RAVER2: variants seen among roughly 807,000 people sequenced by gnomAD.
RAVER2 encodes ribonucleoprotein, PTB binding 2, also known as ribonucleoprotein PTB-binding 2.
A neutral mutation model predicts 78.1 loss-of-function variants in RAVER2; 46 were observed. The observed-to-expected ratio is 0.59, with a 90% CI of 0.46 to 0.75. RAVER2 has a LOEUF of 0.75. RAVER2 is among the 30% of genes least tolerant of loss of function. The pLI is 0.00. For missense variants in RAVER2, 793 were observed against 837.5 expected (o/e 0.95, Z 0.66); for synonymous variants, 311 against 313.3 (o/e 0.99, Z 0.08).
exon 12 of RAVER2, chr1:64,832,706 G>A (rs777222941): frequency 1.8e-4 from 28 of 152,116 alleles, no homozygotes; most frequent in Non-Finnish European, 3.2e-4. Context: ...ATGACTGACA[G>A]CTAGAAAGTT....
intron 5 of RAVER2, among the ~76,000 whole-genome samples, chr1:64,797,200 G>A (rs559652613): frequency 3.3e-5 from 5 of 152,270 alleles, no homozygotes; most frequent in Admixed American, 3.3e-4. Context: ...GATGTGGAGT[G>A]TTCTATACAC....
At chr1:64,780,743 T>A (rs768417239) in intron 3 of RAVER2, among the ~76,000 whole-genome samples, 2 of 152,176 alleles carry the variant, frequency 1.3e-5, no homozygotes, top group Admixed American at 6.5e-5. Flanking sequence ...TATCTTCCAT[T>A]ACACTCTTAC....
At chr1:64,809,923 A>C (rs533617328) in intron 9 of RAVER2, among the ~76,000 whole-genome samples, 1 of 151,960 alleles carries the variant, frequency 6.6e-6, no homozygotes, top group East Asian at 1.9e-4. Flanking sequence ...CATGTATCCA[A>C]ATTTCCTTCT....
chr1:64,790,564 G>A (rs1390142511), intron 5 of RAVER2, among the ~76,000 whole-genome samples: 1 of 152,046 alleles, frequency 6.6e-6, no homozygotes, highest in Non-Finnish European at 1.5e-5. Context: ...AACTTAATAG[G>A]GAAAAACAAA....
At chr1:64,797,265 T>A (rs1047210332) in intron 5 of RAVER2, among the ~76,000 whole-genome samples, 3 of 152,164 alleles carry the variant, frequency 2.0e-5, no homozygotes, top group Non-Finnish European at 4.4e-5. Context: ...CCTTACTGAT[T>A]TTTCATCAAC....
At chr1:64,771,109 G>A (rs368890206) in intron 2 of RAVER2, among the ~76,000 whole-genome samples, 12 of 151,998 alleles carry the variant, frequency 7.9e-5, no homozygotes, top group South Asian at 2.1e-4. Flanking sequence ...TACAGTGTAC[G>A]TTGTAATCAA....
chr1:64,783,517 G>A (rs957288861), intron 4 of RAVER2, among the ~76,000 whole-genome samples: 25 of 152,178 alleles, frequency 1.6e-4, no homozygotes, highest in African/African-American at 4.8e-4. Context: ...TCTGTTGACT[G>A]CATAAATGTC....
chr1:64,749,040 A>C (rs918132616), intron 1 of RAVER2, among the ~76,000 whole-genome samples: 1 of 150,948 alleles, frequency 6.6e-6, no homozygotes, highest in Non-Finnish European at 1.5e-5. Context: ...TCGTATCTCT[A>C]TGTTGCCTAG....
At chr1:64,831,183 A>G in exon 12 of RAVER2, 1 of 439,126 alleles carries the variant, frequency 2.3e-6, no homozygotes, top group East Asian at 3.6e-5. Flanking sequence ...GACATTTTCC[A>G]CTAGAGTCAG....
chr1:64,783,816 A>T (rs551138134), intron 4 of RAVER2, among the ~76,000 whole-genome samples: 4 of 152,340 alleles, frequency 2.6e-5, no homozygotes, highest in African/African-American at 7.2e-5. Context: ...CAACAAAAGC[A>T]AAATAGACAA....
In RAVER2 at chr1:64,762,668, T is replaced by G. The variant is rs1359100537; in HGVS notation, c.250-5988T>G. 3.9e-5 allele frequency among the ~76,000 whole-genome samples: 6 copies of G among 152,154 alleles called. No homozygotes were observed. The East Asian group carries it at 1.2e-3, about 29-fold the overall frequency. ...TTTCAACAGATGATGCTAGGGCAGT[T>G]TGATATTCAAATCAAAAAAATTGAA... On this transcript the variant is annotated intron_variant, in intron 1 of 11. Coordinates refer to ENST00000294428, the Ensembl canonical transcript of RAVER2.
exon 12 of RAVER2, chr1:64,831,654 GATCTA>G (rs1267801406): frequency 6.6e-6 from 1 of 152,140 alleles, no homozygotes; most frequent in Non-Finnish European, 1.5e-5. Context: ...TAACTTTGGT[GATCTA>G]ATAAAAGGGT....
At position 64,830,868 on chromosome 1, in the gene RAVER2, C is replaced by T. The variant is rs879588726; in HGVS notation, c.1959C>T (p.Gly653=). Reference sequence around the variant, plus strand: ...CATCTTTAAGAAATGAAAAGCGAGGCTCATCATATCTCATCTCTGCCCCAG... The same window carrying T: ...CATCTTTAAGAAATGAAAAGCGAGGTTCATCATATCTCATCTCTGCCCCAG... The change falls in exon 12 of 12, where the codon GGC becomes GGT. Residue 653 remains glycine, a synonymous_variant. Coordinates refer to ENST00000294428, the Ensembl canonical transcript of RAVER2. 3.3e-5 allele frequency: 53 copies of T among 1,609,912 alleles called. No individual in the cohort carries two copies. In the Admixed American group the frequency reaches 8.6e-4, roughly 26 times the overall value.
At chr1:64,833,224 G>C (rs1005238998) in exon 12 of RAVER2, 15 of 214,308 alleles carry the variant, frequency 7.0e-5, no homozygotes, top group Admixed American at 5.3e-4. Flanking sequence ...AAAGGCATAT[G>C]CATGTAAAGT....
intron 1 of RAVER2, among the ~76,000 whole-genome samples, chr1:64,756,276 A>C (rs1651854795): frequency 6.6e-6 from 1 of 152,058 alleles, no homozygotes; most frequent in African/African-American, 2.4e-5. Context: ...AGGCATCTCC[A>C]TGTAAAGTTT....
chr1:64,771,118 A>G (rs1652305092), intron 2 of RAVER2, among the ~76,000 whole-genome samples: 1 of 152,088 alleles, frequency 6.6e-6, no homozygotes, highest in South Asian at 2.1e-4. Flanking sequence ...CGTTGTAATC[A>G]AATTGCTTAC....
intron 2 of RAVER2, among the ~76,000 whole-genome samples, chr1:64,769,785 A>G (rs370153671): frequency 1.3e-5 from 2 of 152,136 alleles, no homozygotes; most frequent in South Asian, 2.1e-4. Context: ...ATCAGAAGAA[A>G]GCCTTTTGTT....
exon 12 of RAVER2, chr1:64,832,315 G>GTGTT (rs949762302): frequency 6.6e-5 from 10 of 152,532 alleles, no homozygotes; most frequent in African/African-American, 9.7e-5. Flanking sequence ...TTTTGATAGT[G>GTGTT]TGTTAGGGTG....
intron 10 of RAVER2, 88 bp from the exon 11 acceptor site, chr1:64,814,611 TTATAA>T (rs1419059838): frequency 4.8e-5 from 33 of 692,204 alleles, no homozygotes; most frequent in Non-Finnish European, 5.3e-5. Flanking sequence ...ATAATATAAC[TTATAA>T]TAAAATAATT....
Sources: allele counts gnomAD v4.1 joint callset (sites outside exome capture counted in the v4.1 genomes callset), GRCh38; gene constraint gnomAD v4.1.1; transcripts MANE v1.5; gene names NCBI Gene and HGNC (gene_info 2026-07-23, HGNC 2026-07-21).